The following NUAK1 variants were observed in gnomAD, a reference collection of about 807,000 sequenced individuals.
The protein encoded by NUAK1 is NUAK family SNF1-like kinase 1.
NUAK1 carries 26 observed loss-of-function variants against 56.9 expected under a neutral mutation model. The ratio of observed to expected loss-of-function variants is 0.46; its 90% CI spans 0.33 to 0.63. The LOEUF (loss-of-function observed/expected upper bound fraction) is 0.63, where lower values mean the gene tolerates loss of function less well. Ranked by LOEUF, NUAK1 falls within the 30% of genes least tolerant of loss-of-function variation. The probability of loss-of-function intolerance (pLI) is 0.02; values close to 1 mark genes in which losing one functional copy is unlikely to be tolerated. For synonymous variants in NUAK1, 337 were observed against 336.0 expected (o/e 1.00, Z -0.03); for missense variants, 727 against 876.1 (o/e 0.83, Z 2.15).
intron 2 of NUAK1, among the ~76,000 whole-genome samples, chr12:106,094,438 C>G (rs1251504483): frequency 1.3e-5 from 2 of 152,216 alleles, no homozygotes; most frequent in Non-Finnish European, 2.9e-5. Context: ...ATACAAGACT[C>G]ATTCTTCAAA....
At chr12:106,090,890 A>T (rs2032628292) in intron 2 of NUAK1, among the ~76,000 whole-genome samples, 1 of 152,228 alleles carries the variant, frequency 6.6e-6, no homozygotes, top group African/African-American at 2.4e-5. Flanking sequence ...ATTTTCGAGC[A>T]GGAAAGGACC....
intron 5 of NUAK1, among the ~76,000 whole-genome samples, chr12:106,071,476 G>A (rs183738196): frequency 2.0e-5 from 3 of 152,270 alleles, no homozygotes; most frequent in Admixed American, 6.5e-5. Flanking sequence ...ACATTCACCC[G>A]TCTTAGGCAG....
chr12:106,068,619 A>G (rs2032370306), intron 6 of NUAK1, among the ~76,000 whole-genome samples: 1 of 152,248 alleles, frequency 6.6e-6, no homozygotes. Context: ...AGATCAGAGA[A>G]GTGATCTATA....
At chr12:106,096,163 T>G (rs1392558680) in intron 2 of NUAK1, among the ~76,000 whole-genome samples, 3 of 152,168 alleles carry the variant, frequency 2.0e-5, no homozygotes, top group African/African-American at 7.2e-5. Context: ...AGTCTTTTTT[T>G]TTTCTTTAAA....
intron 2 of NUAK1, among the ~76,000 whole-genome samples, chr12:106,097,217 A>C (rs2032704281): frequency 6.6e-6 from 1 of 152,224 alleles, no homozygotes; most frequent in South Asian, 2.1e-4. Context: ...GCCCAAGGTC[A>C]CACTGCAGTA....
intron 2 of NUAK1, among the ~76,000 whole-genome samples, chr12:106,094,696 G>A (rs770399295): frequency 1.3e-5 from 2 of 152,170 alleles, no homozygotes; most frequent in Non-Finnish European, 2.9e-5. Context: ...TGGCATGCCC[G>A]AAGAAAACCA....
intron 1 of NUAK1, among the ~76,000 whole-genome samples, chr12:106,136,249 C>A (rs2033128635): frequency 6.6e-6 from 1 of 152,130 alleles, no homozygotes; most frequent in Non-Finnish European, 1.5e-5. Flanking sequence ...TGGGGTAAAA[C>A]AAGAGATTTA....
chr12:106,096,529 C>G (rs541908135), intron 2 of NUAK1, among the ~76,000 whole-genome samples: 1 of 152,140 alleles, frequency 6.6e-6, no homozygotes. Context: ...TCATGTGGAA[C>G]GTGTGAATCT....
intron 2 of NUAK1, among the ~76,000 whole-genome samples, chr12:106,091,299 A>G (rs1225017724): frequency 6.6e-6 from 1 of 152,222 alleles, no homozygotes; most frequent in Non-Finnish European, 1.5e-5. Context: ...GGCCCTTGAC[A>G]TGCCAGGCCT....
intron 1 of NUAK1, among the ~76,000 whole-genome samples, chr12:106,124,516 G>A (rs1429169371): frequency 1.3e-5 from 2 of 152,134 alleles, no homozygotes; most frequent in African/African-American, 4.8e-5. Flanking sequence ...CTTTTAGTAG[G>A]GGAAGGCAAA....
intron 1 of NUAK1, among the ~76,000 whole-genome samples, chr12:106,120,338 C>T (rs1148428): frequency 0.53 from 79,866 of 152,086 alleles, 22,004 homozygotes; most frequent in Non-Finnish European, 0.61. Context: ...TGATGTGAGA[C>T]GGCATAGAGA....
At chr12:106,100,309 C>T (rs903735396) in intron 2 of NUAK1, among the ~76,000 whole-genome samples, 4 of 151,986 alleles carry the variant, frequency 2.6e-5, no homozygotes, top group Non-Finnish European at 5.9e-5. Context: ...CCTTCTCCTA[C>T]TACCCTTCTC....
rs935802889 is a variant in NUAK1, at chr12:106,129,670, G to A, written c.240+8744C>T. ...GAGAGCCATGAGCCAAGATAAGAAG[G>A]TCACTGGGTACTCCACCCTAGTACT... On this transcript the variant is annotated intron_variant, in intron 1 of 6. Coordinates refer to ENST00000261402, the MANE Select transcript of NUAK1 (RefSeq NM_014840.3). Among the ~76,000 whole-genome samples the A allele has an allele frequency of 2.0e-5, 3 of 152,126 alleles. No homozygotes were observed. The South Asian group carries it at 6.2e-4, about 32-fold the overall frequency.
chr12:106,118,197 C>T lies in NUAK1; in HGVS notation c.241-11672G>A, dbSNP rs140682547. Reference sequence around the variant, plus strand: ...CTATAGATACAATGTCATCCCACTTCATTTTATTGCCCCCACCACCACCCC... The same window carrying T: ...CTATAGATACAATGTCATCCCACTTTATTTTATTGCCCCCACCACCACCCC... On this transcript the variant is annotated intron_variant, in intron 1 of 6. Coordinates refer to ENST00000261402, the MANE Select transcript of NUAK1 (RefSeq NM_014840.3). Among the ~76,000 whole-genome samples the T allele has an allele frequency of 4.6e-5, 7 of 152,252 alleles. No individual in the cohort carries two copies. The East Asian group carries it at 7.7e-4, about 17-fold the overall frequency.
chr12:106,067,498 C>T lies in NUAK1; in HGVS notation c.1290G>A (p.Lys430=). 31 of 1,614,198 alleles carry T rather than the reference C, an allele frequency of 1.9e-5. No homozygotes were observed. Among genetic ancestry groups the T allele is most frequent in the Non-Finnish European group, 2.5e-5 (29 of 1,180,038 alleles). Residue 430 remains lysine, a synonymous_variant, in exon 7 of 7, where the codon AAG becomes AAA. Transcript: ENST00000261402. The surrounding 1 kb of genome is among the most constrained non-coding windows in gnomAD (Gnocchi z 6.0). The part of the protein sequence containing the change: ...VVGPALPSTF[K]MEQDLCRTGV... ...CAGTCCTGCACAAGTCCTGCTCCAT[C>T]TTGAAAGTAGAGGGTAAGGCAGGAC...
In NUAK1 at chr12:106,126,614, T is replaced by C. The variant is rs539824117; in HGVS notation, c.240+11800A>G. Among the ~76,000 whole-genome samples the C allele has an allele frequency of 5.9e-5, 9 of 152,318 alleles. No homozygotes were observed. In the East Asian group the frequency reaches 1.7e-3, roughly 29 times the overall value. On this transcript the variant is annotated intron_variant, in intron 1 of 6. Transcript: ENST00000261402. ...GGCAAAGTGCTCAGTAAAGGTTAGCTTTATTTGTTCATCTTCAAGGATGAA... is the reference window on the plus strand; with the variant it reads ...GGCAAAGTGCTCAGTAAAGGTTAGCCTTATTTGTTCATCTTCAAGGATGAA...
intron 3 of NUAK1, 62 bp from the exon 4 acceptor site, chr12:106,083,991 A>C: frequency 7.2e-7 from 1 of 1,385,640 alleles, no homozygotes; most frequent in Non-Finnish European, 1.0e-6. Flanking sequence ...CAAGAGAGAA[A>C]GAGGAAGGAG....
chr12:106,132,412 T>C (rs1328865442), intron 1 of NUAK1, among the ~76,000 whole-genome samples: 1 of 152,224 alleles, frequency 6.6e-6, no homozygotes, highest in Non-Finnish European at 1.5e-5. Context: ...TGACAATAAG[T>C]ATCTTTGCAG....
chr12:106,083,620 C>T (rs1560760), intron 4 of NUAK1, among the ~76,000 whole-genome samples: 49,182 of 152,122 alleles, frequency 0.32, 9,069 homozygotes, highest in East Asian at 0.5. Flanking sequence ...CACTGTATCT[C>T]AGTCATCTCA....
Sources: allele counts gnomAD v4.1 joint callset (sites outside exome capture counted in the v4.1 genomes callset), GRCh38; gene constraint gnomAD v4.1.1; non-coding constraint Gnocchi (gnomAD v3.1); transcripts MANE v1.5; gene names NCBI Gene and HGNC (gene_info 2026-07-23, HGNC 2026-07-21).